Variants in CNOT2 observed in about 807,000 individuals in gnomAD.
The protein encoded by CNOT2 is CCR4-NOT transcription complex subunit 2, also known as CC chemokine receptor 4-negative regulator of transcription 2.
A neutral mutation model predicts 72.1 loss-of-function variants in CNOT2; 7 were observed. The ratio of observed to expected loss-of-function variants is 0.10; its 90% CI spans 0.06 to 0.18. CNOT2 has a LOEUF of 0.18. Ranked by LOEUF, CNOT2 falls within the 10% of genes least tolerant of loss-of-function variation. CNOT2 has a pLI of 1.00. For synonymous variants in CNOT2, 196 were observed against 225.6 expected (o/e 0.87, Z 1.17); for missense variants, 345 against 660.3 (o/e 0.52, Z 5.23).
In CNOT2 at chr12:70,329,564, C is replaced by A; in HGVS notation, c.380C>A (p.Pro127Gln). Residue 127 changes from proline (P) to glutamine (Q), a missense_variant, in exon 5 of 16, where the codon CCA (proline) becomes CAA (glutamine). By Grantham distance (76) the Pro-to-Gln change is moderately conservative. Around this residue, in one of 4 missense-constraint regions of CNOT2, gnomAD observed 157 missense variants for 235.3 expected, o/e 0.67. Coordinates refer to ENST00000229195, the MANE Select transcript of CNOT2 (RefSeq NM_014515.7). Reference sequence around the variant, plus strand: ...ATGTCACTTCACACGCCTCCATCTCCAAGCAGGTATTTATTGATGGACCAG... The same window carrying A: ...ATGTCACTTCACACGCCTCCATCTCAAAGCAGGTATTTATTGATGGACCAG... The part of the protein sequence containing the change: ...PTMSLHTPPS[P>Q]SRGILPMNPR... 6.2e-7 allele frequency: 1 copy of A among 1,607,474 alleles called. No homozygotes were observed. Among genetic ancestry groups the A allele is most frequent in the Non-Finnish European group, 8.5e-7 (1 of 1,174,426 alleles).
chr12:70,329,454 C>A lies in CNOT2; in HGVS notation c.270C>A (p.Ser90Arg). The A allele has an allele frequency of 6.2e-7, 1 of 1,610,960 alleles. No individual in the cohort carries two copies. Among genetic ancestry groups the A allele is most frequent in the Middle Eastern group, 1.7e-4 (1 of 6,044 alleles). ...TAGGCCTTCCAATGAGGGGGATGAG[C>A]AACAATACCCCTCAGTTAAATCGCA... ...SALGLPMRGM[S>R]NNTPQLNRSL... Residue 90 changes from serine to arginine, a missense_variant, in exon 5 of 16, where the codon AGC (serine) becomes AGA (arginine). Coordinates refer to ENST00000229195, the MANE Select transcript of CNOT2 (RefSeq NM_014515.7).
At chr12:70,268,746 C>T (rs1301697924) in intron 1 of CNOT2, among the ~76,000 whole-genome samples, 1 of 151,976 alleles carries the variant, frequency 6.6e-6, no homozygotes, top group Non-Finnish European at 1.5e-5. Flanking sequence ...CAGGTGTGAG[C>T]CACCACACCT....
At chr12:70,250,841 GGGA>G (rs1338971440) in intron 1 of CNOT2, among the ~76,000 whole-genome samples, 1 of 152,078 alleles carries the variant, frequency 6.6e-6, no homozygotes, top group East Asian at 1.9e-4. Flanking sequence ...AGCTCTAAAG[GGGA>G]GAAGAGGTGA....
intron 1 of CNOT2, among the ~76,000 whole-genome samples, chr12:70,263,533 A>G (rs746927936): frequency 2.0e-5 from 3 of 152,158 alleles, no homozygotes; most frequent in Non-Finnish European, 4.4e-5. Flanking sequence ...CTTGTTAACT[A>G]CATAATATCT....
intron 2 of CNOT2, among the ~76,000 whole-genome samples, chr12:70,301,550 C>G (rs1485302737): frequency 1.3e-5 from 2 of 152,146 alleles, no homozygotes; most frequent in Non-Finnish European, 2.9e-5. Context: ...GTTGAACCAG[C>G]CTTGCATCCC....
intron 2 of CNOT2, among the ~76,000 whole-genome samples, chr12:70,307,261 T>C (rs1334031860): frequency 6.6e-6 from 1 of 152,254 alleles, no homozygotes; most frequent in African/African-American, 2.4e-5. Flanking sequence ...ATAACCTTTT[T>C]AATTTTTTAA....
chr12:70,258,572 T>TA (rs1280074144), intron 1 of CNOT2, among the ~76,000 whole-genome samples: 3 of 152,250 alleles, frequency 2.0e-5, no homozygotes, highest in African/African-American at 7.2e-5. Flanking sequence ...AATATTTATT[T>TA]AACTCCTACC....
chr12:70,336,904 A>G (rs960982900), intron 8 of CNOT2: 1 of 153,922 alleles, frequency 6.5e-6, no homozygotes, highest in Non-Finnish European at 1.4e-5. Flanking sequence ...TTTTACATCT[A>G]TAACATGGAG....
chr12:70,265,327 T>TCTCTTC (rs200497693), intron 1 of CNOT2, among the ~76,000 whole-genome samples: 15 of 129,172 alleles, frequency 1.2e-4, no homozygotes, highest in Admixed American at 1.6e-4. Context: ...TCTCTTCTCT[T>TCTCTTC]TCTTTCTTTT....
At position 70,337,492 on chromosome 12, in the gene CNOT2, A is replaced by C. The variant is rs780256665; in HGVS notation, c.879A>C (p.Ser293=). 4 of 1,611,818 alleles carry C rather than the reference A, an allele frequency of 2.5e-6. No individual in the cohort carries two copies. The highest frequency in any genetic ancestry group is 3.4e-6 in the Non-Finnish European group (4 of 1,178,420). The part of the protein sequence containing the change: ...LPGSSYKDPT[S]SNDDSKSNLN... The stretch of plus-strand genomic sequence containing the variant: ...GCTCCAGCTATAAAGATCCAACATC[A>C]AGTAATGATGACAGTAAATCTGTAA... The change falls in exon 9 of 16, where the codon TCA becomes TCC. Residue 293 remains serine, a synonymous_variant. Transcript: ENST00000229195.
intron 1 of CNOT2, among the ~76,000 whole-genome samples, chr12:70,259,538 A>G (rs1320832570): frequency 2.0e-5 from 3 of 152,200 alleles, no homozygotes; most frequent in Non-Finnish European, 4.4e-5. Flanking sequence ...TGGCCCTGGC[A>G]ACCACAGATC....
intron 1 of CNOT2, among the ~76,000 whole-genome samples, chr12:70,255,403 GAA>G (rs1958388189): frequency 6.6e-6 from 1 of 152,122 alleles, no homozygotes; most frequent in Non-Finnish European, 1.5e-5. Flanking sequence ...ATATGTGTAT[GAA>G]TAACTTACGC....
At chr12:70,302,601 T>G (rs1396488300) in intron 2 of CNOT2, among the ~76,000 whole-genome samples, 1 of 152,242 alleles carries the variant, frequency 6.6e-6, no homozygotes, top group South Asian at 2.1e-4. Context: ...TAATTTCTGA[T>G]CTTTTACATT....
At position 70,330,458 on chromosome 12, in the gene CNOT2, T is replaced by C; in HGVS notation, c.558T>C (p.Phe186=). ...MPKQQPSRQP[F]TVNSMSGFGM... is the part of the protein sequence containing the mutation. ...AGCAGCAGCCTTCTCGACAGCCTTT[T>C]ACTGTGAACAGGTAAGATGTTTATT... The change falls in exon 6 of 16, where the codon TTT becomes TTC. Residue 186 remains phenylalanine (F), a synonymous_variant. Transcript: ENST00000229195. 1 of 1,611,100 alleles carries C rather than the reference T, an allele frequency of 6.2e-7. No individual in the cohort carries two copies. Among genetic ancestry groups the C allele is most frequent in the Admixed American group, 1.7e-5 (1 of 59,794 alleles).
At position 70,350,052 on chromosome 12, in the gene CNOT2, A is replaced by T. The variant is rs186845774; in HGVS notation, c.1536+3728A>T. The stretch of plus-strand genomic sequence containing the variant: ...TATTTTGCTTATTCTTTCCTTTTAT[A>T]TACTCATTAACTTTTTAGCAGGCCA... On this transcript the variant is annotated intron_variant, in intron 15 of 15. Transcript: ENST00000229195. Among the ~76,000 whole-genome samples, 19 of 151,594 alleles carry T rather than the reference A, an allele frequency of 1.3e-4. No individual in the cohort carries two copies. The East Asian group carries it at 2.9e-3, about 23-fold the overall frequency.
At chr12:70,267,498 A>C (rs374166462) in intron 1 of CNOT2, among the ~76,000 whole-genome samples, 18 of 152,148 alleles carry the variant, frequency 1.2e-4, no homozygotes, top group East Asian at 7.7e-4. Flanking sequence ...ATTTGGTGAG[A>C]TTTGCAATGA....
At chr12:70,300,249 T>A (rs1010531678) in intron 2 of CNOT2, among the ~76,000 whole-genome samples, 1 of 152,174 alleles carries the variant, frequency 6.6e-6, no homozygotes, top group Non-Finnish European at 1.5e-5. Flanking sequence ...CAATTTTGGC[T>A]TTTGTTGCCA....
chr12:70,288,035 A>G (rs1195096324), intron 2 of CNOT2, among the ~76,000 whole-genome samples: 2 of 149,612 alleles, frequency 1.3e-5, no homozygotes, highest in African/African-American at 4.9e-5. Context: ...ATAAATTTTC[A>G]GAGCATTCCT....
At chr12:70,318,746 A>C (rs1429072166) in intron 3 of CNOT2, among the ~76,000 whole-genome samples, 4 of 151,874 alleles carry the variant, frequency 2.6e-5, no homozygotes, top group Non-Finnish European at 5.9e-5. Context: ...ATGGTTGTCT[A>C]ATATAAGACA....
Sources: allele counts gnomAD v4.1 joint callset (sites outside exome capture counted in the v4.1 genomes callset), GRCh38; gene constraint gnomAD v4.1.1; regional missense constraint gnomAD v4.1.1; transcripts MANE v1.5; gene names NCBI Gene and HGNC (gene_info 2026-07-23, HGNC 2026-07-21).